COG2: variants seen among roughly 807,000 people sequenced by gnomAD.
COG2 encodes conserved oligomeric Golgi complex subunit 2.
In COG2, 52 loss-of-function variants were observed where a neutral mutation model predicts 90.6. The observed-to-expected ratio is 0.57, with a 90% CI of 0.46 to 0.72. The LOEUF is 0.72. Among genes scored for constraint, COG2 ranks in the 30% least tolerant of loss-of-function variants. The pLI, the probability that COG2 is intolerant of heterozygous loss-of-function variation, is 0.00. For synonymous variants in COG2, 337 were observed against 320.4 expected, an observed-to-expected ratio of 1.05 and a Z score of -0.55; for missense variants, 829 against 891.2, an observed-to-expected ratio of 0.93 and a Z score of 0.89.
rs1005094999 is a variant in COG2, at chr1:230,691,704, G to A, written c.2115+140G>A. ...GCTTCCTGTGTTAAGACTAGGAGTCGGGGCTCCCAAATTACTTTGCCCCTA... is the reference window on the plus strand; with the variant it reads ...GCTTCCTGTGTTAAGACTAGGAGTCAGGGCTCCCAAATTACTTTGCCCCTA... On this transcript the variant is annotated intron_variant, in intron 17 of 17. Transcript: ENST00000366669. 46 of 748,684 alleles carry A rather than the reference G, an allele frequency of 6.1e-5. No individual in the cohort carries two copies. The Admixed American group carries it at 8.2e-4, about 13-fold the overall frequency. 46.4% of individuals were successfully genotyped at this position (748,684 alleles called of 1,614,324 possible). A position where few individuals can be genotyped will look rare whatever the true frequency, so the allele number is the denominator to read the frequency against.
At chr1:230,676,717 A>G (rs374256099) in intron 9 of COG2, among the ~76,000 whole-genome samples, 1 of 152,110 alleles carries the variant, frequency 6.6e-6, no homozygotes, top group African/African-American at 2.4e-5. Flanking sequence ...ACTGTTGATG[A>G]TAATTTATTT....
intron 12 of COG2, among the ~76,000 whole-genome samples, chr1:230,685,765 C>G (rs901896928): frequency 1.3e-5 from 2 of 152,118 alleles, no homozygotes; most frequent in Admixed American, 6.5e-5. Context: ...CCCAGAAATT[C>G]TTGATCCACA....
intron 2 of COG2, 40 bp downstream of exon 2, chr1:230,659,665 T>C (rs747576051): frequency 1.9e-6 from 3 of 1,584,900 alleles, no homozygotes; most frequent in Admixed American, 1.8e-5. Flanking sequence ...ATACATACAA[T>C]TTCTTTCTCA....
At chr1:230,691,343 C>A (rs771131876) in intron 16 of COG2, 41 bp from the exon 17 acceptor site, 2 of 1,538,600 alleles carry the variant, frequency 1.3e-6, no homozygotes, top group South Asian at 2.5e-5. Flanking sequence ...GTGTTACACA[C>A]AAATGCCTCT....
Position 230,642,561 on chromosome 1 carries a change from C to G in COG2, c.-46C>G. 6.3e-7 allele frequency: 1 copy of G among 1,582,300 alleles called. No individual in the cohort carries two copies. Among genetic ancestry groups the G allele is most frequent in the Non-Finnish European group, 8.6e-7 (1 of 1,160,488 alleles). On this transcript the variant is annotated 5_prime_UTR_variant, in exon 1 of 18. Coordinates refer to ENST00000366669, the MANE Select transcript of COG2 (RefSeq NM_007357.3). Reference sequence around the variant, plus strand: ...CCGAGTCGGTCTGCGCAGCCTCCTGCGTTTTCTCGCTTGGATCTTGGCACT... The same window carrying G: ...CCGAGTCGGTCTGCGCAGCCTCCTGGGTTTTCTCGCTTGGATCTTGGCACT...
chr1:230,691,775 T>C, intron 17 of COG2: 1 of 522,574 alleles, frequency 1.9e-6, no homozygotes. Context: ...TGAAGTCTGG[T>C]GGCGTGCTCT....
rs780942757 is a variant in COG2 at position 230,690,203 on chromosome 1, G to T, written c.1934+50G>T. On this transcript the variant is annotated intron_variant, in intron 16 of 17. Coordinates refer to ENST00000366669, the MANE Select transcript of COG2 (RefSeq NM_007357.3). ...GTGGGCCTTGCTTAGAAGAGTCTGC[G>T]GCAGAAACCCCCAAGGCAATCAAGC... The T allele has an allele frequency of 5.2e-6, 8 of 1,548,962 alleles. No individual in the cohort carries two copies. The South Asian group carries it at 9.5e-5, about 18-fold the overall frequency.
chr1:230,667,336 T>C (rs776988653), intron 5 of COG2, among the ~76,000 whole-genome samples: 1 of 152,202 alleles, frequency 6.6e-6, no homozygotes, highest in African/African-American at 2.4e-5. Context: ...CAGTCTTCCT[T>C]GCTCCGAATC....
intron 1 of COG2, among the ~76,000 whole-genome samples, chr1:230,650,261 T>C (rs147702223): frequency 9.8e-5 from 15 of 152,350 alleles, no homozygotes; most frequent in East Asian, 1.9e-4. Context: ...ATGGTAGTTC[T>C]ATTTTTAGTT....
intron 1 of COG2, among the ~76,000 whole-genome samples, chr1:230,659,010 TTAGG>T (rs1286641408): frequency 1.3e-5 from 2 of 152,182 alleles, no homozygotes; most frequent in Non-Finnish European, 2.9e-5. Flanking sequence ...AATCACAATG[TTAGG>T]TAGAGAAAAA....
intron 1 of COG2, chr1:230,642,894 G>GCCT (rs1661661537): frequency 1.8e-6 from 1 of 548,648 alleles, no homozygotes; most frequent in African/African-American, 2.0e-5. Flanking sequence ...CGTGTTACAT[G>GCCT]GAAAGGCCTG....
At chr1:230,645,847 C>T (rs1378204696) in intron 1 of COG2, among the ~76,000 whole-genome samples, 2 of 152,076 alleles carry the variant, frequency 1.3e-5, no homozygotes, top group African/African-American at 4.8e-5. Context: ...GTGCAGTTCA[C>T]AGTAGGGTCC....
chr1:230,659,425 C>T (rs1662133233), intron 1 of COG2, 39 bp from the exon 2 acceptor site: 1 of 1,514,536 alleles, frequency 6.6e-7, no homozygotes, highest in African/African-American at 1.4e-5. Context: ...ACTGTGATAT[C>T]ATTGCTATAA....
In COG2 at chr1:230,689,971, T is replaced by C; in HGVS notation, c.1795-43T>C. Reference sequence around the variant, plus strand: ...TGGGTAACTTACTGTTTCTTTTCTGTTTTTTTCCTGTGCATCTTTATCTCC... The same window carrying C: ...TGGGTAACTTACTGTTTCTTTTCTGCTTTTTTCCTGTGCATCTTTATCTCC... On this transcript the variant is annotated intron_variant, in intron 15 of 17. Coordinates refer to ENST00000366669, the MANE Select transcript of COG2 (RefSeq NM_007357.3). The C allele has an allele frequency of 2.6e-6, 4 of 1,520,650 alleles. No homozygotes were observed. The Admixed American group carries it at 8.8e-5, about 34-fold the overall frequency. The allele number at this position is 1,520,650 out of a possible 1,614,324, so 94.2% of individuals were successfully genotyped here.
intron 5 of COG2, among the ~76,000 whole-genome samples, chr1:230,665,117 ATCAG>A (rs1169927223): frequency 6.6e-6 from 1 of 152,250 alleles, no homozygotes; most frequent in African/African-American, 2.4e-5. Context: ...TGAATTTAAA[ATCAG>A]TCAGGTAGTT....
chr1:230,661,005 A>G (rs749238578), intron 3 of COG2, 182 bp downstream of exon 3: 2 of 413,406 alleles, frequency 4.8e-6, no homozygotes, highest in Non-Finnish European at 8.6e-6. Context: ...GTGTGATACT[A>G]TAACCAAAAA....
At position 230,685,126 on chromosome 1, in the gene COG2, A is replaced by G; in HGVS notation, c.1270A>G (p.Ser424Gly). The change falls in exon 12 of 18, where the codon AGC becomes GGC. Residue 424 changes from serine to glycine, a missense_variant. Ser to Gly is a moderately conservative substitution (Grantham distance 56). Coordinates refer to ENST00000366669, the MANE Select transcript of COG2 (RefSeq NM_007357.3). ...CCTTTTGGCTTCTCATAGAACTTGG[A>G]GCAGCCTTAGGAGGTGTTGGTCAGA... Reference protein sequence around the residue: ...YCLLASHRTWSSLRRCWSDEM... With the variant: ...YCLLASHRTWGSLRRCWSDEM... The G allele has an allele frequency of 6.2e-7, 1 of 1,614,174 alleles. No individual in the cohort carries two copies. Among genetic ancestry groups the G allele is most frequent in the African/African-American group, 1.3e-5 (1 of 75,024 alleles).
chr1:230,660,763 C>T lies in COG2; in HGVS notation c.240C>T (p.Gly80=). 1 of 1,583,664 alleles carries T rather than the reference C, an allele frequency of 6.3e-7. No homozygotes were observed. The change falls in exon 3 of 18, where the codon GGC becomes GGT. Residue 80 remains glycine (G), a synonymous_variant. Coordinates refer to ENST00000366669, the MANE Select transcript of COG2 (RefSeq NM_007357.3). ...AACATGATTTCTGCCTTTAGGTTGGCATGGACAAAGCCCTCAACCAGCTTT... is the reference window on the plus strand; with the variant it reads ...AACATGATTTCTGCCTTTAGGTTGGTATGGACAAAGCCCTCAACCAGCTTT... ...DFVNLSTNLV[G]MDKALNQLSV...
At chr1:230,649,816 A>G (rs752094435) in intron 1 of COG2, among the ~76,000 whole-genome samples, 11 of 152,132 alleles carry the variant, frequency 7.2e-5, no homozygotes, top group Non-Finnish European at 1.3e-4. Context: ...TAGTGTGTTC[A>G]TCACCCAGAC....
Sources: gnomAD v4.1 joint callset for allele counts (sites outside exome capture counted in the v4.1 genomes callset) on GRCh38, gnomAD v4.1.1 for gene constraint, MANE v1.5 for transcripts, NCBI Gene and HGNC (gene_info 2026-07-23, HGNC 2026-07-21) for gene names.